COPS3: variants seen among roughly 807,000 people sequenced by gnomAD.
COPS3 encodes COP9 signalosome complex subunit 3.
In COPS3, 10 loss-of-function variants were observed where a neutral mutation model predicts 58.2. The observed-to-expected ratio is 0.17, with a 90% CI of 0.11 to 0.29. The LOEUF is 0.29. COPS3 is among the 10% of genes least tolerant of loss of function. The pLI is 1.00. For missense variants in COPS3, 333 were observed against 510.1 expected (o/e 0.65, Z 3.34); for synonymous variants, 187 against 181.7 (o/e 1.03, Z -0.24).
At position 17,280,693 on chromosome 17, in the gene COPS3, G is replaced by A. The variant is rs570400250; in HGVS notation, c.55+439C>T. ...GCCATAGAGCCAAGACACCCAGAAC[G>A]GACTCGCCTCCCGCCCGCTCCCGGC... On this transcript the variant is annotated intron_variant, in intron 1 of 11. Coordinates refer to ENST00000268717, the MANE Select transcript of COPS3 (RefSeq NM_003653.4). The A allele has an allele frequency of 1.0e-5, 13 of 1,275,794 alleles. No homozygotes were observed. The East Asian group carries it at 5.3e-4, about 52-fold the overall frequency. 79.0% of individuals were successfully genotyped at this position (1,275,794 alleles called of 1,614,324 possible).
At chr17:17,254,305 CAA>C (rs138830479) in intron 9 of COPS3, among the ~76,000 whole-genome samples, 17 of 89,910 alleles carry the variant, frequency 1.9e-4, no homozygotes, top group Non-Finnish European at 1.4e-4. Flanking sequence ...GAAGCCATCT[CAA>C]AAAAAAAAAA....
intron 11 of COPS3, 31 bp from the exon 12 acceptor site, chr17:17,247,182 T>C (rs1241564120): frequency 1.9e-6 from 3 of 1,606,738 alleles, no homozygotes; most frequent in Non-Finnish European, 2.6e-6. Context: ...TATGTATTTA[T>C]GTTTGCTTTT....
chr17:17,261,607 C>A, intron 7 of COPS3: 1 of 418,532 alleles, frequency 2.4e-6, no homozygotes, highest in South Asian at 1.8e-5. Flanking sequence ...CACCTGTAAT[C>A]CCAGCACTCT....
intron 1 of COPS3, among the ~76,000 whole-genome samples, chr17:17,279,818 C>T (rs1338462428): frequency 6.6e-6 from 1 of 152,142 alleles, no homozygotes; most frequent in Non-Finnish European, 1.5e-5. Context: ...ATTTTGCAGA[C>T]GAAGAAACTG....
At position 17,268,492 on chromosome 17, in the gene COPS3, A is replaced by T. The variant is rs79199432; in HGVS notation, c.349-515T>A. Among the ~76,000 whole-genome samples the T allele has an allele frequency of 9.7e-3, 1,481 of 152,256 alleles. 12 individuals carry two copies. The highest frequency in any genetic ancestry group is 0.034 in the African/African-American group (1,418 of 41,546). On this transcript the variant is annotated intron_variant, in intron 4 of 11. Transcript: ENST00000268717. ...AAATAAGAAGACCAAGTGTCAAGTA[A>T]GGCATAATCAGTTTTTGGCAGACTA...
intron 1 of COPS3, among the ~76,000 whole-genome samples, chr17:17,277,223 T>A (rs1037087872): frequency 6.6e-6 from 1 of 152,114 alleles, no homozygotes; most frequent in Admixed American, 6.6e-5. Context: ...CCCTTCCCCA[T>A]GGCTAAGCTG....
chr17:17,258,738 CT>C (rs2048031721), intron 8 of COPS3, among the ~76,000 whole-genome samples: 1 of 152,162 alleles, frequency 6.6e-6, no homozygotes, highest in Admixed American at 6.6e-5. Context: ...ATTTAAGTCT[CT>C]TAGATCCTGG....
At chr17:17,253,683 T>C (rs927840758) in intron 9 of COPS3, among the ~76,000 whole-genome samples, 1 of 152,156 alleles carries the variant, frequency 6.6e-6, no homozygotes, top group Non-Finnish European at 1.5e-5. Context: ...CAGCAAACAT[T>C]GTTCAGCAAG....
Position 17,247,031 on chromosome 17 carries a change from C to A in COPS3, c.*67G>T. The A allele has an allele frequency of 7.1e-7, 1 of 1,402,222 alleles. No homozygotes were observed. The highest frequency in any genetic ancestry group is 1.2e-5 in the South Asian group (1 of 86,762). The allele number at this position is 1,402,222 out of a possible 1,614,324, so 86.9% of individuals were successfully genotyped here. Reference sequence around the variant, plus strand: ...GACACAGGCTTGGTCCTCTCTGCTGCCCTCCGAACACTTGTCACTGGCCAA... The same window carrying A: ...GACACAGGCTTGGTCCTCTCTGCTGACCTCCGAACACTTGTCACTGGCCAA... On this transcript the variant is annotated 3_prime_UTR_variant, in exon 12 of 12. Transcript: ENST00000268717.
intron 9 of COPS3, among the ~76,000 whole-genome samples, chr17:17,252,172 T>C (rs551569952): frequency 3.9e-4 from 59 of 152,256 alleles, no homozygotes; most frequent in African/African-American, 1.2e-3. Flanking sequence ...TGTTCCTTCT[T>C]CTAGGTGTTG....
At chr17:17,255,093 A>T in intron 8 of COPS3, 148 bp from the exon 9 acceptor site, 1 of 550,396 alleles carries the variant, frequency 1.8e-6, no homozygotes, top group Non-Finnish European at 3.2e-6. Context: ...TGAGGCCAGG[A>T]GATTGAGACC....
intron 1 of COPS3, 71 bp downstream of exon 1, chr17:17,281,061 T>C: frequency 2.6e-6 from 4 of 1,518,170 alleles, no homozygotes; most frequent in Non-Finnish European, 2.7e-6. Flanking sequence ...CAGCCGTCCG[T>C]GCTGGCGCCT....
In COPS3 at chr17:17,247,571, G is replaced by C; in HGVS notation, c.1138-11C>G. The C allele has an allele frequency of 6.2e-7, 1 of 1,614,038 alleles. No individual in the cohort carries two copies. The highest frequency in any genetic ancestry group is 8.5e-7 in the Non-Finnish European group (1 of 1,179,952). On this transcript the variant is annotated splice_polypyrimidine_tract_variant and intron_variant, in intron 10 of 11. Coordinates refer to ENST00000268717, the MANE Select transcript of COPS3 (RefSeq NM_003653.4). Reference sequence around the variant, plus strand: ...AATGCACTTCAGCATCTGCATGACAGGCACATTAGAAGGTGGTCAGCGGCG... The same window carrying C: ...AATGCACTTCAGCATCTGCATGACACGCACATTAGAAGGTGGTCAGCGGCG...
Position 17,246,969 on chromosome 17 carries a change from G to T in COPS3, c.*129C>A, listed in dbSNP as rs758892165. On this transcript the variant is annotated 3_prime_UTR_variant, in exon 12 of 12. Coordinates refer to ENST00000268717, the MANE Select transcript of COPS3 (RefSeq NM_003653.4). The stretch of plus-strand genomic sequence containing the variant: ...TTTTCTGAAAGCACACAGGACTGAA[G>T]ATGTCAAAACAAAACTTAATTTCTT... The T allele has an allele frequency of 2.2e-5, 18 of 806,738 alleles. No homozygotes were observed. The highest frequency in any genetic ancestry group is 3.7e-5 in the Non-Finnish European group (17 of 457,842). The allele number at this position is 806,738 out of a possible 1,614,324, so 50.0% of individuals were successfully genotyped here.
chr17:17,270,255 T>G (rs1742032083), intron 4 of COPS3, among the ~76,000 whole-genome samples: 3 of 151,930 alleles, frequency 2.0e-5, no homozygotes, highest in African/African-American at 7.3e-5. Flanking sequence ...CACTGAAGTA[T>G]TTAGGGATAA....
chr17:17,269,382 G>A (rs1044744550), intron 4 of COPS3, among the ~76,000 whole-genome samples: 8 of 152,050 alleles, frequency 5.3e-5, no homozygotes, highest in Admixed American at 2.0e-4. Context: ...CCGAGATTGC[G>A]CCATTGCACT....
At chr17:17,266,740 A>C (rs1332864736) in intron 5 of COPS3, among the ~76,000 whole-genome samples, 2 of 152,034 alleles carry the variant, frequency 1.3e-5, no homozygotes, top group East Asian at 1.9e-4. Flanking sequence ...CGGAGCTTGC[A>C]GTGAGCCTAG....
At chr17:17,264,241 T>G (rs1413188805) in intron 6 of COPS3, among the ~76,000 whole-genome samples, 2 of 152,234 alleles carry the variant, frequency 1.3e-5, no homozygotes, top group Non-Finnish European at 2.9e-5. Flanking sequence ...CTAATTTACC[T>G]TAAGTAAAGT....
chr17:17,255,339 G>T (rs918363624), intron 8 of COPS3, among the ~76,000 whole-genome samples: 1 of 151,014 alleles, frequency 6.6e-6, no homozygotes, highest in African/African-American at 2.4e-5. Context: ...TTAGCCAGGC[G>T]TGGTGGCATG....
Sources: gnomAD v4.1 joint callset for allele counts (sites outside exome capture counted in the v4.1 genomes callset) on GRCh38, gnomAD v4.1.1 for gene constraint, MANE v1.5 for transcripts, NCBI Gene and HGNC (gene_info 2026-07-23, HGNC 2026-07-21) for gene names.